GPR39: variants seen among roughly 807,000 people sequenced by gnomAD.
GPR39 encodes zinc sensing receptor.
A neutral mutation model predicts 18.4 loss-of-function variants in GPR39; 23 were observed. The ratio of observed to expected loss-of-function variants is 1.25; its 90% CI spans 0.90 to 1.77. The LOEUF is 1.77. Among genes scored for constraint, GPR39 ranks in the 40% most tolerant of loss-of-function variants. GPR39 has a pLI of 0.00. For synonymous variants in GPR39, 280 were observed against 257.9 expected (o/e 1.09, Z -0.82); for missense variants, 647 against 602.4 (o/e 1.07, Z -0.78).
chr2:132,622,914 G>A (rs1236534786), intron 1 of GPR39, among the ~76,000 whole-genome samples: 1 of 152,096 alleles, frequency 6.6e-6, no homozygotes, highest in African/African-American at 2.4e-5. Flanking sequence ...GAGTTCAAGA[G>A]CAGCCTAACC....
chr2:132,613,709 A>G (rs1027268698), intron 1 of GPR39, among the ~76,000 whole-genome samples: 1 of 152,224 alleles, frequency 6.6e-6, no homozygotes, highest in African/African-American at 2.4e-5. Context: ...TTGTCCTGAT[A>G]CTTGTCCTCA....
At chr2:132,481,974 A>G (rs1681244043) in intron 1 of GPR39, among the ~76,000 whole-genome samples, 1 of 152,186 alleles carries the variant, frequency 6.6e-6, no homozygotes, top group African/African-American at 2.4e-5. Flanking sequence ...TCACAGCAAT[A>G]AGGCCACAGC....
chr2:132,625,095 A>G (rs1022441452), intron 1 of GPR39, among the ~76,000 whole-genome samples: 2 of 148,702 alleles, frequency 1.3e-5, no homozygotes, highest in African/African-American at 5.0e-5. Flanking sequence ...TTTTGCTTCT[A>G]CATGGCTTTT....
intron 1 of GPR39, among the ~76,000 whole-genome samples, chr2:132,634,759 C>T (rs1356983230): frequency 1.3e-5 from 2 of 152,126 alleles, no homozygotes; most frequent in Non-Finnish European, 2.9e-5. Flanking sequence ...AGGGGAAGGG[C>T]CCCCCTCAGG....
intron 1 of GPR39, among the ~76,000 whole-genome samples, chr2:132,586,344 C>G (rs1680732240): frequency 1.3e-5 from 2 of 152,172 alleles, no homozygotes; most frequent in African/African-American, 2.4e-5. Flanking sequence ...TTCAGCAACT[C>G]CATTGTAAAA....
intron 1 of GPR39, among the ~76,000 whole-genome samples, chr2:132,612,364 AT>A (rs1034629366): frequency 1.3e-5 from 2 of 150,272 alleles, no homozygotes; most frequent in Admixed American, 6.6e-5. Context: ...TGCATTTTAC[AT>A]TTTTTGACAC....
chr2:132,486,138 G>A (rs187511499), intron 1 of GPR39, among the ~76,000 whole-genome samples: 1 of 152,284 alleles, frequency 6.6e-6, no homozygotes, highest in East Asian at 1.9e-4. Context: ...TATTTTGAAA[G>A]GAATCTTGTT....
intron 1 of GPR39, among the ~76,000 whole-genome samples, chr2:132,421,710 A>G (rs893741240): frequency 6.6e-6 from 1 of 152,208 alleles, no homozygotes; most frequent in African/African-American, 2.4e-5. Flanking sequence ...GTTGATATAC[A>G]TTTAGATATT....
chr2:132,530,305 A>C (rs6723657), intron 1 of GPR39, among the ~76,000 whole-genome samples: 2,288 of 152,296 alleles, frequency 0.015, 71 homozygotes, highest in African/African-American at 0.053. Flanking sequence ...AGTTTAGAGA[A>C]AAAAGAATAA....
At chr2:132,635,743 C>T (rs1681741758) in intron 1 of GPR39, among the ~76,000 whole-genome samples, 1 of 152,140 alleles carries the variant, frequency 6.6e-6, no homozygotes. Flanking sequence ...GCCCTAACCC[C>T]AAATCTGACT....
intron 1 of GPR39, among the ~76,000 whole-genome samples, chr2:132,570,638 C>A (rs977549906): frequency 6.6e-6 from 1 of 152,180 alleles, no homozygotes; most frequent in African/African-American, 2.4e-5. Flanking sequence ...TGTCCTCTAC[C>A]CAGGAAGGAA....
At chr2:132,529,630 G>A (rs904912857) in intron 1 of GPR39, among the ~76,000 whole-genome samples, 1 of 152,166 alleles carries the variant, frequency 6.6e-6, no homozygotes, top group African/African-American at 2.4e-5. Context: ...CACCTCACAC[G>A]GCCGGGTACT....
chr2:132,489,406 G>A (rs1204572060), intron 1 of GPR39, among the ~76,000 whole-genome samples: 2 of 152,114 alleles, frequency 1.3e-5, no homozygotes, highest in Admixed American at 6.5e-5. Context: ...CCTAGCTCTG[G>A]TGACTGTGAC....
At chr2:132,554,574 C>T (rs1377705950) in intron 1 of GPR39, among the ~76,000 whole-genome samples, 9 of 152,186 alleles carry the variant, frequency 5.9e-5, no homozygotes, top group Non-Finnish European at 1.5e-5. Context: ...TGATGTGCAG[C>T]CCTGGGTCCC....
intron 1 of GPR39, among the ~76,000 whole-genome samples, chr2:132,450,880 G>A (rs1680619437): frequency 6.6e-6 from 1 of 152,148 alleles, no homozygotes; most frequent in Non-Finnish European, 1.5e-5. Flanking sequence ...TTATGGTCTG[G>A]AACCAATTTG....
chr2:132,489,193 C>T (rs920556733), intron 1 of GPR39: 5 of 220,536 alleles, frequency 2.3e-5, no homozygotes, highest in African/African-American at 7.0e-5. Flanking sequence ...GCATCTTCCT[C>T]GGTATCATTC....
chr2:132,445,434 C>A, intron 1 of GPR39, among the ~76,000 whole-genome samples: 1 of 152,262 alleles, frequency 6.6e-6, no homozygotes, highest in East Asian at 1.9e-4. Context: ...TTCCATGATG[C>A]AAGCAAGATA....
At chr2:132,533,533 G>T (rs542441885) in intron 1 of GPR39, among the ~76,000 whole-genome samples, 1 of 150,438 alleles carries the variant, frequency 6.6e-6, no homozygotes, top group Non-Finnish European at 1.5e-5. Flanking sequence ...AGCCCGCATT[G>T]CCAAGTCAAT....
chr2:132,507,933 A>G (rs529106658), intron 1 of GPR39, among the ~76,000 whole-genome samples: 1 of 152,308 alleles, frequency 6.6e-6, no homozygotes, highest in Admixed American at 6.5e-5. Flanking sequence ...AGTGAGCTTC[A>G]GTGTTCACAG....
Sources: gnomAD v4.1 joint callset for allele counts (sites outside exome capture counted in the v4.1 genomes callset) on GRCh38, gnomAD v4.1.1 for gene constraint, MANE v1.5 for transcripts, NCBI Gene and HGNC (gene_info 2026-07-23, HGNC 2026-07-21) for gene names.